Variants in PTPRD observed in about 807,000 individuals in gnomAD.
The protein encoded by PTPRD is protein tyrosine phosphatase receptor type D, also known as receptor-type tyrosine-protein phosphatase delta.
PTPRD carries 34 observed loss-of-function variants against 214.5 expected under a neutral mutation model. The observed-to-expected ratio is 0.16, with a 90% CI of 0.12 to 0.21. The LOEUF is 0.21. Among genes scored for constraint, PTPRD ranks in the 10% least tolerant of loss-of-function variants. PTPRD has a pLI of 1.00. For missense variants in PTPRD, 2,545 were observed against 2,398.7 expected, an observed-to-expected ratio of 1.06 and a Z score of -1.27; for synonymous variants, 1,128 against 845.7, an observed-to-expected ratio of 1.33 and a Z score of -5.79.
chr9:10,034,238 T>C (rs1440358472), intron 3 of PTPRD, among the ~76,000 whole-genome samples: 2 of 152,032 alleles, frequency 1.3e-5, no homozygotes, highest in Non-Finnish European at 2.9e-5. Flanking sequence ...CAAACAATTG[T>C]CTTCAATTCA....
intron 9 of PTPRD, among the ~76,000 whole-genome samples, chr9:9,257,212 G>A (rs2099978104): frequency 6.6e-6 from 1 of 151,938 alleles, no homozygotes; most frequent in African/African-American, 2.4e-5. Flanking sequence ...AAGATTTCTA[G>A]GTGCTGTGGG....
At chr9:9,285,405 A>AT (rs948804543) in intron 9 of PTPRD, among the ~76,000 whole-genome samples, 2 of 151,584 alleles carry the variant, frequency 1.3e-5, no homozygotes, top group African/African-American at 2.4e-5. Flanking sequence ...CTATTCTAAA[A>AT]TTTTTTTTCT....
chr9:10,532,728 A>G (rs2056731731), intron 2 of PTPRD, among the ~76,000 whole-genome samples: 1 of 151,364 alleles, frequency 6.6e-6, no homozygotes, highest in Non-Finnish European at 1.5e-5. Context: ...AATCAATGAG[A>G]ATTACCTAAT....
intron 2 of PTPRD, among the ~76,000 whole-genome samples, chr9:10,489,411 A>T (rs553658042): frequency 4.6e-5 from 7 of 152,274 alleles, no homozygotes; most frequent in Middle Eastern, 3.4e-3. Context: ...GCCACAAGCC[A>T]TGCAGCCTGG....
intron 2 of PTPRD, among the ~76,000 whole-genome samples, chr9:10,383,959 T>C (rs929167869): frequency 4.6e-5 from 7 of 151,292 alleles, no homozygotes; most frequent in African/African-American, 1.7e-4. Flanking sequence ...GAAAATATCA[T>C]TTCAAAATCA....
chr9:9,647,667 T>C (rs1321741832), intron 7 of PTPRD, among the ~76,000 whole-genome samples: 1 of 152,186 alleles, frequency 6.6e-6, no homozygotes, highest in Non-Finnish European at 1.5e-5. Flanking sequence ...GGTCAAGACA[T>C]GCAAGACATT....
At position 10,012,548 on chromosome 9, in the gene PTPRD, A is replaced by G. The variant is rs1296737933; in HGVS notation, c.-472+21170T>C. Among the ~76,000 whole-genome samples, 9 of 152,010 alleles carry G rather than the reference A, an allele frequency of 5.9e-5. No homozygotes were observed. In the East Asian group the frequency reaches 1.7e-3, roughly 29 times the overall value. On this transcript the variant is annotated intron_variant, in intron 4 of 45. Coordinates refer to ENST00000381196, the MANE Select transcript of PTPRD (RefSeq NM_002839.4). ...TTTTAAAAAGAAAATAATCACATAC[A>G]TTAGATTACTAAACTATAAGAGAGA...
At chr9:10,533,451 A>C (rs985240874) in intron 2 of PTPRD, among the ~76,000 whole-genome samples, 2 of 152,112 alleles carry the variant, frequency 1.3e-5, no homozygotes, top group Non-Finnish European at 2.9e-5. Context: ...TTACAATCAT[A>C]GAGTGGGTAT....
intron 9 of PTPRD, among the ~76,000 whole-genome samples, chr9:9,341,300 C>T (rs1019524342): frequency 1.1e-4 from 16 of 152,088 alleles, no homozygotes; most frequent in Admixed American, 1.1e-3. Context: ...ATGAATGTTA[C>T]TTTAGGCAGA....
intron 8 of PTPRD, among the ~76,000 whole-genome samples, chr9:9,458,411 T>C (rs2093304747): frequency 1.3e-5 from 2 of 152,048 alleles, no homozygotes; most frequent in African/African-American, 4.8e-5. Context: ...AAAAAAAAAT[T>C]GTAAATGGTT....
intron 3 of PTPRD, among the ~76,000 whole-genome samples, chr9:10,240,834 C>T (rs922833676): frequency 2.6e-5 from 4 of 151,614 alleles, no homozygotes; most frequent in Non-Finnish European, 5.9e-5. Context: ...TCATGAACTA[C>T]AAAATTAAAT....
At chr9:8,860,366 G>C (rs1468020871) in intron 11 of PTPRD, 1 of 152,196 alleles carries the variant, frequency 6.6e-6, no homozygotes, top group Non-Finnish European at 1.5e-5. Flanking sequence ...GACAGTACAA[G>C]TAAATGGCAT....
intron 11 of PTPRD, among the ~76,000 whole-genome samples, chr9:8,761,078 G>C (rs964894292): frequency 6.6e-6 from 1 of 152,154 alleles, no homozygotes; most frequent in Non-Finnish European, 1.5e-5. Context: ...AGATGACTGT[G>C]GGATGAAGCT....
At position 10,404,590 on chromosome 9, in the gene PTPRD, C is replaced by CTTCCAAAAA. The variant is rs2098329993; in HGVS notation, c.-599-63574_-599-63573insTTTTTGGAA. On this transcript the variant is annotated intron_variant, in intron 2 of 45. Transcript: ENST00000381196. The stretch of plus-strand genomic sequence containing the variant: ...TGTTGGTGACACGTCCAAAATCAAC[C>CTTCCAAAAA]AGTGACCATTAAATAATGACAAGTA... 3.1e-4 allele frequency among the ~76,000 whole-genome samples: 2 copies of CTTCCAAAAA among 6,518 alleles called. 1 individual carries two copies. Among genetic ancestry groups the CTTCCAAAAA allele is most frequent in the Non-Finnish European group, 1.4e-3 (2 of 1,458 alleles). The allele number at this position is 6,518 out of a possible 152,430, so 4.3% of individuals were successfully genotyped here.
intron 6 of PTPRD, among the ~76,000 whole-genome samples, chr9:9,766,297 T>A (rs1555009552): frequency 6.6e-6 from 1 of 150,914 alleles, no homozygotes; most frequent in African/African-American, 2.4e-5. Context: ...CTATCCCCCC[T>A]ATCTTTCATG....
At chr9:8,839,322 T>G (rs5016638) in intron 11 of PTPRD, among the ~76,000 whole-genome samples, 76,873 of 151,428 alleles carry the variant, frequency 0.51, 20,428 homozygotes, top group African/African-American at 0.68. Flanking sequence ...ATTTATTTAT[T>G]TATTTATTTA....
At chr9:8,648,931 G>C (rs558290868) in intron 12 of PTPRD, among the ~76,000 whole-genome samples, 102 of 152,252 alleles carry the variant, frequency 6.7e-4, no homozygotes, top group African/African-American at 2.4e-3. Flanking sequence ...CATTAGATGT[G>C]CTGATCATCA....
At chr9:9,046,936 A>G (rs2099673649) in intron 10 of PTPRD, among the ~76,000 whole-genome samples, 1 of 152,202 alleles carries the variant, frequency 6.6e-6, no homozygotes, top group South Asian at 2.1e-4. Context: ...GACAAGAGAA[A>G]GAAATAAAAG....
chr9:8,766,173 G>A (rs952953406), intron 11 of PTPRD, among the ~76,000 whole-genome samples: 2 of 143,818 alleles, frequency 1.4e-5, no homozygotes, highest in Non-Finnish European at 3.0e-5. Flanking sequence ...ACCCCATTTC[G>A]TTTTACCACT....
Sources: allele counts gnomAD v4.1 joint callset (sites outside exome capture counted in the v4.1 genomes callset), GRCh38; gene constraint gnomAD v4.1.1; transcripts MANE v1.5; gene names NCBI Gene and HGNC (gene_info 2026-07-23, HGNC 2026-07-21).